Variants in RSU1 observed in about 807,000 individuals in gnomAD.
RSU1 encodes the protein rsu-1.
RSU1 carries 26 observed loss-of-function variants against 31.1 expected under a neutral mutation model. The ratio of observed to expected loss-of-function variants is 0.84; its 90% CI spans 0.61 to 1.16. RSU1 has a LOEUF of 1.16. Ranked by LOEUF, RSU1 falls within the 50% of genes most tolerant of loss-of-function variation. The pLI, the probability that RSU1 is intolerant of heterozygous loss-of-function variation, is 0.00. For missense variants in RSU1, 320 were observed against 339.1 expected (o/e 0.94, Z 0.44); for synonymous variants, 164 against 136.3 (o/e 1.20, Z -1.41).
chr10:16,633,288 G>C (rs112525179), intron 8 of RSU1, among the ~76,000 whole-genome samples: 2,441 of 152,246 alleles, frequency 0.016, 59 homozygotes, highest in African/African-American at 0.055. Context: ...GGTAGCTATG[G>C]AGAGCATCAG....
At chr10:16,622,458 ACT>A (rs1834086469) in intron 8 of RSU1, among the ~76,000 whole-genome samples, 1 of 152,192 alleles carries the variant, frequency 6.6e-6, no homozygotes, top group African/African-American at 2.4e-5. Flanking sequence ...TCTGGAAAAC[ACT>A]CTGAAAAAGT....
rs1836026749 is a variant in RSU1, at chr10:16,711,829, A to T, written c.599-16674T>A. On this transcript the variant is annotated intron_variant, in intron 7 of 8. Transcript: ENST00000345264. ...TGTGCTCTATCCTGGAGAATGTTTC[A>T]TGTGTAATTGAGAAGAATTTGTATT... Among the ~76,000 whole-genome samples, 3 of 152,162 alleles carry T rather than the reference A, an allele frequency of 2.0e-5. No homozygotes were observed. In the East Asian group the frequency reaches 5.8e-4, roughly 29 times the overall value.
chr10:16,793,807 T>C (rs909292553), intron 2 of RSU1, among the ~76,000 whole-genome samples: 4 of 151,410 alleles, frequency 2.6e-5, no homozygotes, highest in South Asian at 4.2e-4. Context: ...TAGGATACAA[T>C]ACAGAAAGTG....
At chr10:16,637,003 T>G (rs1462253144) in intron 8 of RSU1, among the ~76,000 whole-genome samples, 4 of 152,192 alleles carry the variant, frequency 2.6e-5, no homozygotes, top group East Asian at 1.9e-4. Context: ...CTATAAATAT[T>G]GGCTGAATAA....
Position 16,695,171 on chromosome 10 carries a change from A to G in RSU1, c.599-16T>C, listed in dbSNP as rs199894279. 47 of 1,519,252 alleles carry G rather than the reference A, an allele frequency of 3.1e-5. No homozygotes were observed. The East Asian group carries it at 3.8e-4, about 12-fold the overall frequency. 94.1% of individuals were successfully genotyped at this position (1,519,252 alleles called of 1,614,324 possible). On this transcript the variant is annotated splice_polypyrimidine_tract_variant and intron_variant, in intron 7 of 8. Coordinates refer to ENST00000345264, the MANE Select transcript of RSU1 (RefSeq NM_012425.4). ...TCCAAGTTTCCTGGGGGGGGGGAAA[A>G]AAAAAGTGAAGGTCACTTCATCCAA...
chr10:16,770,479 A>G (rs1230796084), intron 3 of RSU1, among the ~76,000 whole-genome samples: 3 of 152,144 alleles, frequency 2.0e-5, no homozygotes, highest in Non-Finnish European at 2.9e-5. Context: ...TGAAATCTGG[A>G]GGTGACCTCC....
intron 7 of RSU1, among the ~76,000 whole-genome samples, chr10:16,726,498 C>G (rs1213478065): frequency 6.6e-6 from 1 of 152,046 alleles, no homozygotes; most frequent in African/African-American, 2.4e-5. Flanking sequence ...ATATCTTGAC[C>G]TCGTGATCCA....
chr10:16,617,402 C>T (rs376229395), intron 8 of RSU1, among the ~76,000 whole-genome samples: 2 of 152,222 alleles, frequency 1.3e-5, no homozygotes, highest in Admixed American at 6.5e-5. Flanking sequence ...TGAAAATGGC[C>T]ATACTGCCCA....
intron 8 of RSU1, among the ~76,000 whole-genome samples, chr10:16,637,182 G>A (rs1462680554): frequency 6.6e-6 from 1 of 152,154 alleles, no homozygotes; most frequent in Non-Finnish European, 1.5e-5. Context: ...ATCAAACCAT[G>A]AAGAAATTCA....
chr10:16,701,605 T>C (rs549888315), intron 7 of RSU1, among the ~76,000 whole-genome samples: 2 of 145,950 alleles, frequency 1.4e-5, no homozygotes, highest in Non-Finnish European at 3.0e-5. Context: ...TCGGGGAAGA[T>C]AGTACAACTT....
intron 7 of RSU1, among the ~76,000 whole-genome samples, chr10:16,696,232 C>T (rs961302983): frequency 2.6e-5 from 4 of 152,098 alleles, no homozygotes; most frequent in Admixed American, 6.5e-5. Flanking sequence ...AAGACACAAC[C>T]GAAGTTACGT....
intron 8 of RSU1, among the ~76,000 whole-genome samples, chr10:16,639,255 T>C (rs1834399146): frequency 6.6e-6 from 1 of 152,234 alleles, no homozygotes; most frequent in Non-Finnish European, 1.5e-5. Context: ...TATTAATCCA[T>C]AAAGCTGAAA....
At chr10:16,606,310 A>C (rs1833803455) in intron 8 of RSU1, among the ~76,000 whole-genome samples, 1 of 152,162 alleles carries the variant, frequency 6.6e-6, no homozygotes, top group African/African-American at 2.4e-5. Context: ...TATATATTTT[A>C]AACTATTTTT....
intron 2 of RSU1, 30 bp downstream of exon 2, chr10:16,816,943 T>G: frequency 1.3e-6 from 2 of 1,491,672 alleles, no homozygotes; most frequent in East Asian, 2.3e-5. Context: ...TTCCAGCTCA[T>G]CCACGGGAGA....
chr10:16,611,031 T>C, intron 8 of RSU1, among the ~76,000 whole-genome samples: 1 of 152,214 alleles, frequency 6.6e-6, no homozygotes, highest in Non-Finnish European at 1.5e-5. Flanking sequence ...AGTCCTTCTC[T>C]TCCCCCAAAG....
intron 7 of RSU1, among the ~76,000 whole-genome samples, chr10:16,712,114 T>TA (rs1413237488): frequency 2.0e-5 from 3 of 152,164 alleles, no homozygotes; most frequent in African/African-American, 7.2e-5. Flanking sequence ...GTTTTTGACT[T>TA]AAAATCTGTC....
chr10:16,706,965 G>A lies in RSU1; in HGVS notation c.599-11810C>T, dbSNP rs937336316. On this transcript the variant is annotated intron_variant, in intron 7 of 8. Coordinates refer to ENST00000345264, the MANE Select transcript of RSU1 (RefSeq NM_012425.4). Reference sequence around the variant, plus strand: ...CCAACTCTGTTTTTGTTGTTGTTAAGAAAAAAAGATCTCATATGAGTGGGA... The same window carrying A: ...CCAACTCTGTTTTTGTTGTTGTTAAAAAAAAAAGATCTCATATGAGTGGGA... Among the ~76,000 whole-genome samples, 46 of 151,982 alleles carry A rather than the reference G, an allele frequency of 3.0e-4. No individual in the cohort carries two copies. The Middle Eastern group carries it at 0.014, about 45-fold the overall frequency.
At chr10:16,755,213 C>T (rs1467092473) in intron 4 of RSU1, among the ~76,000 whole-genome samples, 1 of 152,006 alleles carries the variant, frequency 6.6e-6, no homozygotes, top group African/African-American at 2.4e-5. Context: ...CCTCAACCTC[C>T]CCAGGCTCAA....
intron 8 of RSU1, among the ~76,000 whole-genome samples, chr10:16,623,910 A>C (rs1180628749): frequency 6.6e-6 from 1 of 152,158 alleles, no homozygotes; most frequent in Admixed American, 6.5e-5. Context: ...ACATTAAAAC[A>C]TAGGTTTTAA....
Sources: allele counts gnomAD v4.1 joint callset (sites outside exome capture counted in the v4.1 genomes callset), GRCh38; gene constraint gnomAD v4.1.1; transcripts MANE v1.5; gene names NCBI Gene and HGNC (gene_info 2026-07-23, HGNC 2026-07-21).